AFAP1: variants seen among roughly 807,000 people sequenced by gnomAD.
AFAP1 encodes actin filament-associated protein 1.
A neutral mutation model predicts 93.9 loss-of-function variants in AFAP1; 75 were observed. The ratio of observed to expected loss-of-function variants is 0.80; its 90% CI spans 0.66 to 0.97. AFAP1 has a LOEUF of 0.97. AFAP1 is among the 50% of genes least tolerant of loss of function. AFAP1 has a pLI of 0.00. For missense variants in AFAP1, 1,201 were observed against 1,050.8 expected (o/e 1.14, Z -1.98); for synonymous variants, 517 against 430.7 (o/e 1.20, Z -2.48).
intron 3 of AFAP1, among the ~76,000 whole-genome samples, chr4:7,866,823 G>A (rs114480799): frequency 0.02 from 3,044 of 151,338 alleles, 45 homozygotes; most frequent in South Asian, 0.047. Flanking sequence ...GATCACTGAA[G>A]GCCTGGAGTG....
intron 1 of AFAP1, among the ~76,000 whole-genome samples, chr4:7,928,214 T>TG (rs1421856941): frequency 6.6e-6 from 1 of 152,068 alleles, no homozygotes; most frequent in African/African-American, 2.4e-5. Context: ...AGCTCTCTAT[T>TG]TTACACAACT....
At chr4:7,830,105 GAA>G (rs35311125) in intron 6 of AFAP1, among the ~76,000 whole-genome samples, 74,292 of 151,486 alleles carry the variant, frequency 0.49, 19,597 homozygotes, top group African/African-American at 0.7. Flanking sequence ...TGTTTAGGTG[GAA>G]AAAAAAAAAC....
At chr4:7,830,598 T>TTTATTATTA (rs10670912) in intron 6 of AFAP1, among the ~76,000 whole-genome samples, 7 of 151,284 alleles carry the variant, frequency 4.6e-5, no homozygotes, top group African/African-American at 9.8e-5. Flanking sequence ...AGTGAAAGGT[T>TTTATTATTA]TTATTATTAT....
At position 7,768,859 on chromosome 4, in the gene AFAP1, C is replaced by T. The variant is rs374522041; in HGVS notation, c.2403G>A (p.Val801=). 1.3e-5 allele frequency: 21 copies of T among 1,603,274 alleles called. No individual in the cohort carries two copies. Among genetic ancestry groups the T allele is most frequent in the Admixed American group, 1.7e-5 (1 of 59,620 alleles). ...CAGGGCTTACCTTGGCCTTCCGCAG[C>T]ACATGCCCTCGGCAGGGGGAGCTGC... The part of the protein sequence containing the change: ...APGSSPCRGH[V]LRKAKEWELK... Residue 801 remains valine (V), a synonymous_variant, in exon 17 of 18, where the codon GTG becomes GTA. Transcript: ENST00000420658.
At chr4:7,786,589 A>T (rs1717285798) in intron 11 of AFAP1, among the ~76,000 whole-genome samples, 3 of 151,838 alleles carry the variant, frequency 2.0e-5, no homozygotes, top group Admixed American at 1.3e-4. Context: ...AGGTGTTCAG[A>T]AATACCAAGC....
intron 1 of AFAP1, among the ~76,000 whole-genome samples, chr4:7,925,229 C>G (rs1720661761): frequency 6.6e-6 from 1 of 152,166 alleles, no homozygotes; most frequent in Non-Finnish European, 1.5e-5. Context: ...ATTCAGAAGC[C>G]CAGCGTGGCA....
At chr4:7,814,600 AG>A (rs1720313176) in intron 8 of AFAP1, among the ~76,000 whole-genome samples, 1 of 152,226 alleles carries the variant, frequency 6.6e-6, no homozygotes, top group African/African-American at 2.4e-5. Context: ...AGAACCAACT[AG>A]TGACACTAGC....
chr4:7,925,178 T>TC (rs58866711), intron 1 of AFAP1, among the ~76,000 whole-genome samples: 17,472 of 152,068 alleles, frequency 0.11, 1,668 homozygotes, highest in East Asian at 0.49. Context: ...AAAGAATAAG[T>TC]CTTAAATGAG....
At chr4:7,809,855 C>G in intron 8 of AFAP1, 92 bp from the exon 9 acceptor site, 1 of 1,462,320 alleles carries the variant, frequency 6.8e-7, no homozygotes, top group South Asian at 1.4e-5. Flanking sequence ...TCTTCTTTCC[C>G]TTGGCATTTT....
intron 1 of AFAP1, among the ~76,000 whole-genome samples, chr4:7,891,834 G>A (rs28655476): frequency 0.11 from 17,274 of 150,746 alleles, 1,155 homozygotes; most frequent in Non-Finnish European, 0.16. Flanking sequence ...GGATCACCTG[G>A]GGTCAGGAGT....
At chr4:7,859,624 T>TA (rs1401860519) in intron 3 of AFAP1, among the ~76,000 whole-genome samples, 1 of 152,316 alleles carries the variant, frequency 6.6e-6, no homozygotes, top group South Asian at 2.1e-4. Context: ...AATACTTAAG[T>TA]AAAAGCTCCT....
At chr4:7,786,471 C>T (rs138110347) in intron 11 of AFAP1, among the ~76,000 whole-genome samples, 160 bp from the exon 12 acceptor site, 9 of 152,304 alleles carry the variant, frequency 5.9e-5, no homozygotes, top group East Asian at 5.8e-4. Context: ...TGAGATGATG[C>T]GCTGGAGGGA....
chr4:7,842,745 G>A (rs1427560827), intron 5 of AFAP1: 1 of 162,120 alleles, frequency 6.2e-6, no homozygotes, highest in East Asian at 1.8e-4. Context: ...TTCCTTTCCT[G>A]GCTGCTCCCC....
At chr4:7,921,122 A>G (rs1196185851) in intron 1 of AFAP1, among the ~76,000 whole-genome samples, 1 of 151,348 alleles carries the variant, frequency 6.6e-6, no homozygotes, top group Non-Finnish European at 1.5e-5. Flanking sequence ...GAGACCAGGT[A>G]GATGACCTAT....
At chr4:7,883,197 A>AG (rs1485692730) in intron 1 of AFAP1, among the ~76,000 whole-genome samples, 1 of 151,322 alleles carries the variant, frequency 6.6e-6, no homozygotes, top group Admixed American at 6.6e-5. Flanking sequence ...AAAAAAAAAA[A>AG]AAAAAAAAAA....
chr4:7,789,727 G>A (rs1717683302), intron 11 of AFAP1, among the ~76,000 whole-genome samples: 1 of 148,410 alleles, frequency 6.7e-6, no homozygotes, highest in African/African-American at 2.5e-5. Flanking sequence ...ACCAGCCCCT[G>A]CTTTCCATCC....
chr4:7,819,013 T>A (rs1266836087), intron 7 of AFAP1, 63 bp downstream of exon 7: 1 of 1,405,714 alleles, frequency 7.1e-7, no homozygotes, highest in Non-Finnish European at 9.6e-7. Flanking sequence ...TTATCAAACT[T>A]TGAAAGAGAC....
At chr4:7,766,985 C>G (rs761432876) in intron 17 of AFAP1, among the ~76,000 whole-genome samples, 4 of 152,006 alleles carry the variant, frequency 2.6e-5, no homozygotes, top group Non-Finnish European at 4.4e-5. Flanking sequence ...CCCTTGGTCC[C>G]CAGAAAAAGG....
chr4:7,882,989 A>C (rs1717938370), intron 1 of AFAP1, among the ~76,000 whole-genome samples: 1 of 152,078 alleles, frequency 6.6e-6, no homozygotes, highest in African/African-American at 2.4e-5. Context: ...GTTTGAGACC[A>C]GCCCAGACAA....
Sources: gnomAD v4.1 joint callset for allele counts (sites outside exome capture counted in the v4.1 genomes callset) on GRCh38, gnomAD v4.1.1 for gene constraint, MANE v1.5 for transcripts, NCBI Gene and HGNC (gene_info 2026-07-23, HGNC 2026-07-21) for gene names.